The following INTS2 variants were observed in gnomAD, a reference collection of about 807,000 sequenced individuals.
INTS2 encodes integrator complex subunit 2, also known as KIAA1287.
A neutral mutation model predicts 139.6 loss-of-function variants in INTS2; 57 were observed. The ratio of observed to expected loss-of-function variants is 0.41; its 90% CI spans 0.33 to 0.51. The LOEUF is 0.51. Among genes scored for constraint, INTS2 ranks in the 20% least tolerant of loss-of-function variants. INTS2 has a pLI of 0.28. For synonymous variants in INTS2, 473 were observed against 493.4 expected (o/e 0.96, Z 0.55); for missense variants, 1,196 against 1,436.7 (o/e 0.83, Z 2.71).
chr17:61,922,965 T>C (rs2079663116), intron 3 of INTS2, among the ~76,000 whole-genome samples: 1 of 150,810 alleles, frequency 6.6e-6, no homozygotes, highest in African/African-American at 2.4e-5. Flanking sequence ...TAATTCTAGC[T>C]ACTCAGGAGG....
intron 12 of INTS2, 64 bp downstream of exon 12, chr17:61,895,251 A>G: frequency 1.1e-6 from 1 of 887,508 alleles, no homozygotes; most frequent in South Asian, 1.7e-5. Flanking sequence ...AAGACACACA[A>G]GTTTTCTCCC....
chr17:61,900,962 T>C (rs2079398819), intron 9 of INTS2, among the ~76,000 whole-genome samples: 1 of 151,840 alleles, frequency 6.6e-6, no homozygotes, highest in South Asian at 2.1e-4. Context: ...TCAAAAATTA[T>C]ATTTATATAT....
chr17:61,922,479 A>G (rs1044366161), intron 3 of INTS2, among the ~76,000 whole-genome samples: 5 of 143,390 alleles, frequency 3.5e-5, no homozygotes, highest in East Asian at 2.0e-4. Context: ...AAAAAAAAAA[A>G]AAAAAGAAAA....
At chr17:61,914,327 C>G (rs1476357449) in intron 5 of INTS2, among the ~76,000 whole-genome samples, 1 of 152,030 alleles carries the variant, frequency 6.6e-6, no homozygotes, top group Non-Finnish European at 1.5e-5. Flanking sequence ...GAGATTGAGG[C>G]AAGCGGACCA....
chr17:61,904,435 T>C (rs1354232735), intron 9 of INTS2, 25 bp downstream of exon 9: 2 of 1,516,992 alleles, frequency 1.3e-6, no homozygotes, highest in Admixed American at 2.0e-5. Flanking sequence ...CTTGAGAAAA[T>C]GGAGCAACTT....
intron 1 of INTS2, 155 bp from the exon 2 acceptor site, chr17:61,926,817 T>C: frequency 1.5e-6 from 1 of 683,408 alleles, no homozygotes; most frequent in African/African-American, 1.8e-5. Flanking sequence ...TCTGTCTCCC[T>C]AGGTTTATAC....
chr17:61,911,966 G>T lies in INTS2; in HGVS notation c.754C>A (p.Gln252Lys). 1 of 1,613,702 alleles carries T rather than the reference G, an allele frequency of 6.2e-7. No individual in the cohort carries two copies. Among genetic ancestry groups the T allele is most frequent in the South Asian group, 1.1e-5 (1 of 91,030 alleles). The change falls in exon 6 of 25, where the codon CAG becomes AAG. Residue 252 changes from glutamine to lysine, a missense_variant. By Grantham distance (53) the Gln-to-Lys change is moderately conservative. This residue lies in a region of INTS2 where 1,129 missense variants were observed against 1,341.9 expected (regional missense o/e 0.84). Coordinates refer to ENST00000251334, the MANE Select transcript of INTS2 (RefSeq NM_001351695.2). ...LRFLCKMNPS[Q>K]ALKVRGMVVE... is the part of the protein sequence containing the mutation. ...ACCATGCCTCGGACCTTGAGGGCCT[G>T]AGAAGGATTCATTTTACACAAGAAG...
chr17:61,888,763 G>A (rs562861711), intron 15 of INTS2, among the ~76,000 whole-genome samples: 8 of 151,996 alleles, frequency 5.3e-5, no homozygotes, highest in Non-Finnish European at 8.8e-5. Flanking sequence ...AGTGGCTCAC[G>A]CCTGTAATCC....
At position 61,867,925 on chromosome 17, in the gene INTS2, T is replaced by C. The variant is rs752077669; in HGVS notation, c.3329A>G (p.Tyr1110Cys). The C allele has an allele frequency of 5.0e-6, 8 of 1,612,508 alleles. No homozygotes were observed. Among genetic ancestry groups the C allele is most frequent in the Admixed American group, 1.7e-5 (1 of 59,854 alleles). Residue 1110 changes from tyrosine to cysteine, a missense_variant, in exon 24 of 25, where the codon TAT becomes TGT. Tyr to Cys is a radical substitution (Grantham distance 194). Coordinates refer to ENST00000251334, the MANE Select transcript of INTS2 (RefSeq NM_001351695.2). This position sits in a 1 kb window ranked among gnomAD's most constrained non-coding sequence, Gnocchi z 5.6. ...GATCAGCAAAGACATAATATCCTCA[T>C]ACAATGGAGGAAATGCTCGACAAAA... Reference protein sequence around the residue: ...VSFCRAFPPLYEDIMSLLIQI... With the variant: ...VSFCRAFPPLCEDIMSLLIQI...
intron 9 of INTS2, 128 bp downstream of exon 9, chr17:61,904,332 A>G: frequency 3.0e-6 from 2 of 670,902 alleles, no homozygotes; most frequent in Non-Finnish European, 4.9e-6. Flanking sequence ...TGGAAAAAAC[A>G]AAACAAAACT....
Position 61,874,476 on chromosome 17 carries a change from T to C in INTS2, c.2582+437A>G, listed in dbSNP as rs145829789. Among the ~76,000 whole-genome samples, 12 of 152,306 alleles carry C rather than the reference T, an allele frequency of 7.9e-5. No individual in the cohort carries two copies. In the East Asian group the frequency reaches 9.6e-4, roughly 12 times the overall value. On this transcript the variant is annotated intron_variant, in intron 19 of 24. Coordinates refer to ENST00000251334, the MANE Select transcript of INTS2 (RefSeq NM_001351695.2). Reference sequence around the variant, plus strand: ...TGAAAGCAATGCTGAAGTTTAGCAATTGGTAAGGATTTAGAGCCAAATGTG... The same window carrying C: ...TGAAAGCAATGCTGAAGTTTAGCAACTGGTAAGGATTTAGAGCCAAATGTG...
intron 11 of INTS2, among the ~76,000 whole-genome samples, chr17:61,896,533 G>C (rs1354374919): frequency 1.3e-5 from 2 of 152,034 alleles, no homozygotes; most frequent in Non-Finnish European, 2.9e-5. Flanking sequence ...TATGAAGTAA[G>C]ATGTATAAGG....
intron 9 of INTS2, among the ~76,000 whole-genome samples, chr17:61,900,091 G>C (rs933269044): frequency 5.3e-5 from 8 of 151,990 alleles, no homozygotes; most frequent in Non-Finnish European, 1.2e-4. Flanking sequence ...TATTGAGGAG[G>C]GACAACACCA....
chr17:61,911,073 T>C (rs1291329699), intron 7 of INTS2: 4 of 172,326 alleles, frequency 2.3e-5, no homozygotes, highest in East Asian at 1.5e-4. Flanking sequence ...AATAGGGTTA[T>C]TGTTGTTTGG....
Position 61,926,343 on chromosome 17 carries a change from T to G in INTS2, c.293+9A>C. 1 of 1,573,852 alleles carries G rather than the reference T, an allele frequency of 6.4e-7. No individual in the cohort carries two copies. The highest frequency in any genetic ancestry group is 8.7e-7 in the Non-Finnish European group (1 of 1,155,902). On this transcript the variant is annotated intron_variant, in intron 2 of 24. Transcript: ENST00000251334. ...ATCCAAATCCACATATAATATAACA[T>G]AACATTACCTAAGCTGCTGTTCTTT...
chr17:61,906,266 C>T (rs998466439), intron 8 of INTS2, among the ~76,000 whole-genome samples: 8 of 152,154 alleles, frequency 5.3e-5, no homozygotes, highest in Non-Finnish European at 1.0e-4. Context: ...GATGCTAAAT[C>T]GGTAAATATA....
rs11658522 is a variant in INTS2 at position 61,897,290 on chromosome 17, A to T, written c.1494+179T>A. On this transcript the variant is annotated intron_variant, in intron 11 of 24. Coordinates refer to ENST00000251334, the MANE Select transcript of INTS2 (RefSeq NM_001351695.2). This position sits in a 1 kb window ranked among gnomAD's most constrained non-coding sequence, Gnocchi z 4.4. Reference sequence around the variant, plus strand: ...TTTCTGTGCTTTCCAAGGTTTTTGCATGAGTATCTATTATTTTAGTAAATA... The same window carrying T: ...TTTCTGTGCTTTCCAAGGTTTTTGCTTGAGTATCTATTATTTTAGTAAATA... 6.6e-6 allele frequency among the ~76,000 whole-genome samples: 1 copy of T among 152,026 alleles called. No homozygotes were observed. Among genetic ancestry groups the T allele is most frequent in the Non-Finnish European group, 1.5e-5 (1 of 67,988 alleles).
rs942398793 is a variant in INTS2, at chr17:61,873,639, C to G, written c.2583-1179G>C. On this transcript the variant is annotated intron_variant, in intron 19 of 24. Coordinates refer to ENST00000251334, the MANE Select transcript of INTS2 (RefSeq NM_001351695.2). The surrounding 1 kb of genome is among the most constrained non-coding windows in gnomAD (Gnocchi z 4.0). ...AGATACTTAACATCATTTACATACACAGTTTGTTCTGATTCCTATTTCCTA... is the reference window on the plus strand; with the variant it reads ...AGATACTTAACATCATTTACATACAGAGTTTGTTCTGATTCCTATTTCCTA... 1.6e-4 allele frequency among the ~76,000 whole-genome samples: 25 copies of G among 152,306 alleles called. No homozygotes were observed. Among genetic ancestry groups the G allele is most frequent in the African/African-American group, 5.8e-4 (24 of 41,572 alleles).
chr17:61,899,661 A>T (rs1302139252), intron 9 of INTS2, among the ~76,000 whole-genome samples: 1 of 152,130 alleles, frequency 6.6e-6, no homozygotes, highest in Non-Finnish European at 1.5e-5. Flanking sequence ...CTGTAATCCC[A>T]GCAATTTGGG....
Sources: gnomAD v4.1 joint callset for allele counts (sites outside exome capture counted in the v4.1 genomes callset) on GRCh38, gnomAD v4.1.1 for gene constraint, gnomAD v4.1.1 regional missense constraint, Gnocchi (gnomAD v3.1) non-coding constraint, MANE v1.5 for transcripts, NCBI Gene and HGNC (gene_info 2026-07-23, HGNC 2026-07-21) for gene names.